Variants in COL6A2 observed in about 807,000 individuals in gnomAD.
The protein encoded by COL6A2 is collagen type VI alpha 2 chain, also known as collagen alpha-2(VI) chain.
COL6A2 carries 90 observed loss-of-function variants against 124.9 expected under a neutral mutation model. The ratio of observed to expected loss-of-function variants is 0.72; its 90% CI spans 0.61 to 0.86. COL6A2 has a LOEUF of 0.86. Among genes scored for constraint, COL6A2 ranks in the 40% least tolerant of loss-of-function variants. The pLI is 0.00. For missense variants in COL6A2, 1,607 were observed against 1,502.5 expected (o/e 1.07, Z -1.15); for synonymous variants, 793 against 618.2 (o/e 1.28, Z -4.19).
At chr21:46,129,098 G>A (rs997335546) in intron 27 of COL6A2, 102 of 1,603,040 alleles carry the variant, frequency 6.4e-5, no homozygotes, top group Non-Finnish European at 7.3e-5. Flanking sequence ...CCCAAATGCC[G>A]CTCTTCACTC....
intron 26 of COL6A2, 48 bp downstream of exon 26, chr21:46,126,285 G>GC (rs1568941066): frequency 1.3e-6 from 2 of 1,586,958 alleles, no homozygotes; most frequent in Admixed American, 3.3e-5. Flanking sequence ...GCAGGCCCCA[G>GC]CCGCTGTCTA....
Position 46,112,557 on chromosome 21 carries a change from A to G in COL6A2, c.694A>G (p.Asn232Asp), listed in dbSNP as rs779287707. Residue 232 changes from asparagine (N) to aspartate (D), a missense_variant, in exon 3 of 28, where the codon AAC (asparagine) becomes GAC (aspartate). By Grantham distance (23) the Asn-to-Asp change is conservative. Around this residue, in one of 3 missense-constraint regions of COL6A2, gnomAD observed 342 missense variants for 381.5 expected, o/e 0.90. Coordinates refer to ENST00000300527, the MANE Select transcript of COL6A2 (RefSeq NM_001849.4). The stretch of plus-strand genomic sequence containing the variant: ...CACCGAGATCGACCAGGACACCATC[A>G]ACCGCATCATCAAGGTCATGGTGAG... ...DSTEIDQDTI[N>D]RIIKVMKHEA... 8.2e-5 allele frequency: 132 copies of G among 1,611,912 alleles called. No individual in the cohort carries two copies. The highest frequency in any genetic ancestry group is 1.1e-4 in the Non-Finnish European group (127 of 1,179,848).
chr21:46,105,083 A>T (rs1321042309), intron 1 of COL6A2, among the ~76,000 whole-genome samples: 1 of 152,188 alleles, frequency 6.6e-6, no homozygotes, highest in South Asian at 2.1e-4. Flanking sequence ...TCAAGTGAAG[A>T]AGTAAAGATC....
chr21:46,113,290 C>A (rs777021568), intron 4 of COL6A2, among the ~76,000 whole-genome samples: 74 of 152,198 alleles, frequency 4.9e-4, no homozygotes, highest in Non-Finnish European at 7.2e-4. Context: ...AATCGCTGCT[C>A]AGTAACAGTG....
chr21:46,124,547 CCG>C, intron 21 of COL6A2, 102 bp from the exon 22 acceptor site: 2 of 1,025,422 alleles, frequency 2.0e-6, no homozygotes, highest in South Asian at 1.4e-5. Flanking sequence ...GCCCCCCCCC[CCG>C]CCAAGGGAGG....
chr21:46,129,480 G>A (rs1237434584), intron 27 of COL6A2: 5 of 1,585,638 alleles, frequency 3.2e-6, no homozygotes, highest in Non-Finnish European at 4.3e-6. Context: ...GACCGCGCTG[G>A]CCCTCTGCTA....
At chr21:46,118,764 T>C in intron 13 of COL6A2, 88 bp downstream of exon 13, 1 of 1,423,544 alleles carries the variant, frequency 7.0e-7, no homozygotes, top group Non-Finnish European at 9.7e-7. Context: ...CCACCATCTC[T>C]GCTGTCACCA....
intron 1 of COL6A2, among the ~76,000 whole-genome samples, chr21:46,110,511 A>G (rs1021031941): frequency 1.3e-5 from 2 of 152,184 alleles, no homozygotes; most frequent in Non-Finnish European, 2.9e-5. Context: ...AACGGACTTC[A>G]TTCCTCCCTG....
At chr21:46,117,532 C>T (rs879929517) in intron 11 of COL6A2, 79 bp downstream of exon 11, 2 of 1,418,238 alleles carry the variant, frequency 1.4e-6, no homozygotes, top group Non-Finnish European at 2.0e-6. Flanking sequence ...GTAGTTGCTG[C>T]TGCAGTGGGA....
At chr21:46,131,386 T>G (rs952971394) in intron 27 of COL6A2, among the ~76,000 whole-genome samples, 9 of 152,214 alleles carry the variant, frequency 5.9e-5, no homozygotes, top group African/African-American at 1.9e-4. Context: ...CCACCTGGGC[T>G]GCCACAGAAG....
Position 46,116,671 on chromosome 21 carries a change from T to G in COL6A2, c.948T>G (p.Gly316=), listed in dbSNP as rs764665426. ...KGEKGEFGAD[G]RKGAPGLAGK... is the part of the protein sequence containing the mutation. ...CACAGGGTGAATTTGGAGCCGACGG[T>G]CGCAAGGTAGGCTGGCTGGGTAGGC... Residue 316 remains glycine, a synonymous_variant, in exon 9 of 28, where the codon GGT becomes GGG. Transcript: ENST00000300527. This position sits in a 1 kb window ranked among gnomAD's most constrained non-coding sequence, Gnocchi z 4.6. 6.2e-7 allele frequency: 1 copy of G among 1,612,868 alleles called. No individual in the cohort carries two copies. The highest frequency in any genetic ancestry group is 1.1e-5 in the South Asian group (1 of 91,088).
intron 23 of COL6A2, 60 bp downstream of exon 23, chr21:46,124,980 C>T (rs1471390972): frequency 3.8e-6 from 6 of 1,594,502 alleles, no homozygotes; most frequent in African/African-American, 1.3e-5. Flanking sequence ...ACACCAAGAG[C>T]AGCAGGGGTG....
intron 27 of COL6A2, chr21:46,129,204 T>C: frequency 3.1e-6 from 5 of 1,612,924 alleles, no homozygotes; most frequent in Non-Finnish European, 4.2e-6. Context: ...AGATGCACCG[T>C]GGCCTGGCGG....
intron 21 of COL6A2, among the ~76,000 whole-genome samples, chr21:46,124,061 CGGAT>C (rs1435309561): frequency 7.6e-6 from 1 of 130,750 alleles, no homozygotes; most frequent in Non-Finnish European, 1.6e-5. Flanking sequence ...GATGAGTGAA[CGGAT>C]GGACCGATGG....
At chr21:46,126,618 T>G (rs1258494798) in intron 27 of COL6A2, 77 bp downstream of exon 27, 17 of 1,512,620 alleles carry the variant, frequency 1.1e-5, no homozygotes, top group East Asian at 4.7e-5. Flanking sequence ...AGGGCCGGGC[T>G]GGGGGAGGGG....
chr21:46,120,698 C>A, intron 16 of COL6A2, 121 bp downstream of exon 16: 2 of 977,680 alleles, frequency 2.0e-6, no homozygotes, highest in Non-Finnish European at 3.0e-6. Context: ...GTGGGTGCTG[C>A]ACCCCAAGGT....
intron 16 of COL6A2, 114 bp from the exon 17 acceptor site, chr21:46,120,932 AGGGTCATAGGGGCCG>A (rs1383957599): frequency 1.2e-6 from 1 of 851,114 alleles, no homozygotes; most frequent in Admixed American, 1.9e-5. Context: ...GCCTCCGGGG[AGGGTCATAGGGGCCG>A]GGGCCAGACC....
rs373274913 is a variant in COL6A2 at position 46,132,288 on chromosome 21, G to A, written c.2796G>A (p.Pro932=). Residue 932 remains proline, a synonymous_variant, in exon 28 of 28, where the codon CCG becomes CCA. Transcript: ENST00000300527. ...CCATCAATGCCATCGTGCGCAGCCC[G>A]CGTGGCGGGGCCCGGAGGCACGCAG... ...VHAINAIVRS[P]RGGARRHAEL... is the part of the protein sequence containing the mutation. 4.7e-4 allele frequency: 759 copies of A among 1,606,306 alleles called. 4 individuals are homozygous for A. Among genetic ancestry groups the A allele is most frequent in the Non-Finnish European group, 2.5e-4 (298 of 1,179,230 alleles).
chr21:46,111,499 T>G lies in COL6A2; in HGVS notation c.23T>G (p.Val8Gly), dbSNP rs1378759186. ...AAGATGCTCCAGGGCACCTGCTCCG[T>G]GCTCCTGCTCTGGGGAATCCTGGGG... MLQGTCS[V>G]LLLWGILGAI... Residue 8 changes from valine (V) to glycine (G), a missense_variant, in exon 2 of 28, where the codon GTG becomes GGG. Val to Gly is a moderately radical substitution (Grantham distance 109, BLOSUM62 -3). Transcript: ENST00000300527. The G allele has an allele frequency of 6.2e-7, 1 of 1,612,482 alleles. No homozygotes were observed. Among genetic ancestry groups the G allele is most frequent in the Non-Finnish European group, 8.5e-7 (1 of 1,179,616 alleles).
Sources: gnomAD v4.1 joint callset for allele counts (sites outside exome capture counted in the v4.1 genomes callset) on GRCh38, gnomAD v4.1.1 for gene constraint, gnomAD v4.1.1 regional missense constraint, Gnocchi (gnomAD v3.1) non-coding constraint, MANE v1.5 for transcripts, NCBI Gene and HGNC (gene_info 2026-07-23, HGNC 2026-07-21) for gene names.